The following KLHL29 variants were observed in gnomAD, a reference collection of about 807,000 sequenced individuals.
KLHL29 encodes kelch-like protein 29.
A neutral mutation model predicts 80.4 loss-of-function variants in KLHL29; 21 were observed. The ratio of observed to expected loss-of-function variants is 0.26; its 90% CI spans 0.19 to 0.38. The LOEUF (loss-of-function observed/expected upper bound fraction) is 0.38. Among genes scored for constraint, KLHL29 ranks in the 10% least tolerant of loss-of-function variants. KLHL29 has a pLI of 1.00. For missense variants in KLHL29, 867 were observed against 1,223.9 expected (o/e 0.71, Z 4.35); for synonymous variants, 511 against 526.8 (o/e 0.97, Z 0.41).
intron 2 of KLHL29, chr2:23,524,410 G>A (rs1666225951): frequency 1.2e-5 from 2 of 173,452 alleles, no homozygotes; most frequent in Admixed American, 1.1e-4. Flanking sequence ...GGCGTCGGCA[G>A]GAGAAGCAGG....
At position 23,681,427 on chromosome 2, in the gene KLHL29, G is replaced by C. The variant is rs1269962381; in HGVS notation, c.941-2972G>C. On this transcript the variant is annotated intron_variant, in intron 5 of 13. Coordinates refer to ENST00000486442, the MANE Select transcript of KLHL29 (RefSeq NM_052920.2). The surrounding 1 kb of genome is among the most constrained non-coding windows in gnomAD (Gnocchi z 4.2). ...CAGAAGGTGTCACGGCCGGGGCTGGGGCTTTAGATAGAATCATTGCCGGGA... is the reference window on the plus strand; with the variant it reads ...CAGAAGGTGTCACGGCCGGGGCTGGCGCTTTAGATAGAATCATTGCCGGGA... Among the ~76,000 whole-genome samples the C allele has an allele frequency of 1.3e-5, 2 of 152,246 alleles. No homozygotes were observed. The highest frequency in any genetic ancestry group is 3.9e-4 in the East Asian group (2 of 5,174).
chr2:23,414,738 C>T (rs941818692), intron 1 of KLHL29, among the ~76,000 whole-genome samples: 9 of 152,188 alleles, frequency 5.9e-5, no homozygotes, highest in African/African-American at 1.9e-4. Context: ...TGCCCGTCTA[C>T]AGATCCTTGC....
intron 1 of KLHL29, among the ~76,000 whole-genome samples, chr2:23,392,627 G>A (rs1299962066): frequency 6.6e-6 from 1 of 152,162 alleles, no homozygotes; most frequent in Non-Finnish European, 1.5e-5. Context: ...AAATGAAGAT[G>A]AGGCTCAGTG....
chr2:23,703,525 C>A, intron 12 of KLHL29, 146 bp downstream of exon 12: 1 of 1,071,210 alleles, frequency 9.3e-7, no homozygotes, highest in African/African-American at 1.6e-5. Flanking sequence ...GCCGAGCCCC[C>A]AGCTCAGGTG....
intron 3 of KLHL29, among the ~76,000 whole-genome samples, chr2:23,567,634 A>C (rs1298997870): frequency 6.6e-6 from 1 of 152,234 alleles, no homozygotes; most frequent in African/African-American, 2.4e-5. Flanking sequence ...CGTGGGGATC[A>C]TGTGAGTGAC....
chr2:23,621,470 A>G (rs1325172795), intron 3 of KLHL29, among the ~76,000 whole-genome samples: 1 of 150,634 alleles, frequency 6.6e-6, no homozygotes, highest in Non-Finnish European at 1.5e-5. Context: ...GAAAAAAGGA[A>G]GAGAGGAGGG....
chr2:23,697,394 C>A (rs1333472278), intron 11 of KLHL29: 1 of 152,224 alleles, frequency 6.6e-6, no homozygotes, highest in Non-Finnish European at 1.5e-5. Flanking sequence ...TGGAGGGTAA[C>A]CCGTCAGGCT....
In KLHL29 at chr2:23,700,793, T is replaced by G. The variant is rs1268582720; in HGVS notation, c.2106-2393T>G. On this transcript the variant is annotated intron_variant, in intron 11 of 13. Transcript: ENST00000486442. This position sits in a 1 kb window ranked among gnomAD's most constrained non-coding sequence, Gnocchi z 4.6. ...TGCCCTTGACTACAGAGCAGTGGCCTGCTGGAGATTCCATCCTCCATCCTT... is the reference window on the plus strand; with the variant it reads ...TGCCCTTGACTACAGAGCAGTGGCCGGCTGGAGATTCCATCCTCCATCCTT... Among the ~76,000 whole-genome samples, 2 of 152,214 alleles carry G rather than the reference T, an allele frequency of 1.3e-5. No individual in the cohort carries two copies. The highest frequency in any genetic ancestry group is 2.9e-5 in the Non-Finnish European group (2 of 68,032).
intron 1 of KLHL29, among the ~76,000 whole-genome samples, chr2:23,399,077 A>C (rs1301366836): frequency 1.3e-5 from 2 of 152,240 alleles, no homozygotes; most frequent in African/African-American, 4.8e-5. Flanking sequence ...TGGCAAGACT[A>C]GCAAGAAGAT....
chr2:23,673,599 A>G (rs1336158558), intron 5 of KLHL29, among the ~76,000 whole-genome samples: 1 of 151,636 alleles, frequency 6.6e-6, no homozygotes, highest in African/African-American at 2.4e-5. Flanking sequence ...ACAGGGGTGC[A>G]TACACACCCA....
At chr2:23,622,272 A>C (rs1294625591) in intron 3 of KLHL29, among the ~76,000 whole-genome samples, 1 of 152,058 alleles carries the variant, frequency 6.6e-6, no homozygotes, top group Admixed American at 6.5e-5. Flanking sequence ...ACAACACATC[A>C]TCCCCTCTGT....
chr2:23,499,922 C>T (rs916126370), intron 2 of KLHL29, among the ~76,000 whole-genome samples: 8 of 152,296 alleles, frequency 5.3e-5, no homozygotes, highest in Middle Eastern at 3.4e-3. Context: ...GAGGTGTTGG[C>T]TTTTTTTAGG....
chr2:23,391,730 C>T (rs1033271820), intron 1 of KLHL29, among the ~76,000 whole-genome samples: 13 of 152,190 alleles, frequency 8.5e-5, no homozygotes, highest in African/African-American at 1.7e-4. Context: ...TTAGCCACCG[C>T]GCCCAGCCCT....
At chr2:23,609,844 A>C (rs761959782) in intron 3 of KLHL29, among the ~76,000 whole-genome samples, 1 of 152,154 alleles carries the variant, frequency 6.6e-6, no homozygotes, top group Non-Finnish European at 1.5e-5. Context: ...TAGTTGGTGC[A>C]AGACTACACT....
chr2:23,409,353 C>T (rs1307521585), intron 1 of KLHL29, among the ~76,000 whole-genome samples: 2 of 152,202 alleles, frequency 1.3e-5, no homozygotes, highest in Admixed American at 1.3e-4. Context: ...GCAAGGATTT[C>T]TCCTACCCTG....
chr2:23,691,534 G>T, intron 6 of KLHL29, 140 bp from the exon 7 acceptor site: 1 of 659,184 alleles, frequency 1.5e-6, no homozygotes, highest in Non-Finnish European at 2.7e-6. Context: ...ACAGCATTAG[G>T]TTCAGGTGTG....
At chr2:23,461,826 G>T (rs780032042) in intron 1 of KLHL29, among the ~76,000 whole-genome samples, 1 of 151,914 alleles carries the variant, frequency 6.6e-6, no homozygotes. Flanking sequence ...TGCTTTTCAG[G>T]GTTTTTAATT....
intron 1 of KLHL29, among the ~76,000 whole-genome samples, chr2:23,427,134 C>T (rs1663026505): frequency 2.6e-5 from 4 of 152,134 alleles, no homozygotes; most frequent in Admixed American, 2.6e-4. Context: ...AACAGGAGCT[C>T]AGGTCTCCTG....
chr2:23,574,124 G>A lies in KLHL29; in HGVS notation c.285+11643G>A, dbSNP rs143291012. ...TGTATGTTGGGGGCAGAGCAGCCAC[G>A]ATTTGCCACTGTCTTCCCTGTGAGC... On this transcript the variant is annotated intron_variant, in intron 3 of 13. Coordinates refer to ENST00000486442, the MANE Select transcript of KLHL29 (RefSeq NM_052920.2). 2.0e-3 allele frequency among the ~76,000 whole-genome samples: 302 copies of A among 152,274 alleles called. 2 individuals are homozygous for A. The highest frequency in any genetic ancestry group is 2.7e-3 in the Non-Finnish European group (186 of 68,024).
Sources: allele counts gnomAD v4.1 joint callset (sites outside exome capture counted in the v4.1 genomes callset), GRCh38; gene constraint gnomAD v4.1.1; non-coding constraint Gnocchi (gnomAD v3.1); transcripts MANE v1.5; gene names NCBI Gene and HGNC (gene_info 2026-07-23, HGNC 2026-07-21).